The following PRKCG variants were observed in gnomAD, a reference collection of about 807,000 sequenced individuals.
PRKCG encodes the protein protein kinase C gamma type.
A neutral mutation model predicts 82.0 loss-of-function variants in PRKCG; 28 were observed. The observed-to-expected ratio is 0.34, with a 90% CI of 0.25 to 0.47. The LOEUF is 0.47. Among genes scored for constraint, PRKCG ranks in the 20% least tolerant of loss-of-function variants. PRKCG has a pLI of 1.00. For missense variants in PRKCG, 640 were observed against 952.7 expected (o/e 0.67, Z 4.32); for synonymous variants, 383 against 376.6 (o/e 1.02, Z -0.20).
intron 15 of PRKCG, 66 bp downstream of exon 15, chr19:53,903,219 A>G: frequency 1.5e-6 from 2 of 1,310,116 alleles, no homozygotes; most frequent in African/African-American, 1.5e-5. Context: ...GGATCTCAGG[A>G]GGAGCCAGTT....
intron 8 of PRKCG, 101 bp from the exon 9 acceptor site, chr19:53,893,261 T>G: frequency 1.4e-6 from 2 of 1,389,792 alleles, no homozygotes; most frequent in Non-Finnish European, 2.0e-6. Flanking sequence ...ATAGTTCCTA[T>G]CTATCGCCAT....
Position 53,891,005 on chromosome 19 carries a change from G to A in PRKCG, c.530-669G>A, listed in dbSNP as rs1433681763. 3.9e-5 allele frequency among the ~76,000 whole-genome samples: 6 copies of A among 152,016 alleles called. No homozygotes were observed. The South Asian group carries it at 8.3e-4, about 21-fold the overall frequency. On this transcript the variant is annotated intron_variant, in intron 5 of 17. Coordinates refer to ENST00000263431, the MANE Select transcript of PRKCG (RefSeq NM_002739.5). ...GACCTCAGGTGATCCGCCCGCCTCC[G>A]CCTCCCAAAGTGCTGGGATTACAGG...
At chr19:53,881,826 C>CCGG (rs1194188904), upstream of PRKCG, 21 of 154,334 alleles carry the variant, frequency 1.4e-4, no homozygotes, top group African/African-American at 5.1e-4. Flanking sequence ...AAAGACTCAG[C>CCGG]CGGCATCGGA....
At chr19:53,894,311 C>T (rs1391574263) in intron 9 of PRKCG, among the ~76,000 whole-genome samples, 5 of 145,064 alleles carry the variant, frequency 3.4e-5, no homozygotes, top group South Asian at 2.2e-4. Flanking sequence ...GTGATCCACC[C>T]GCCTCAGCCT....
chr19:53,892,892 G>T lies in PRKCG; in HGVS notation c.822-96G>T. 8.2e-7 allele frequency: 1 copy of T among 1,212,768 alleles called. No individual in the cohort carries two copies. The allele number at this position is 1,212,768 out of a possible 1,614,324, so 75.1% of individuals were successfully genotyped here. On this transcript the variant is annotated intron_variant, in intron 7 of 17. Coordinates refer to ENST00000263431, the MANE Select transcript of PRKCG (RefSeq NM_002739.5). This position sits in a 1 kb window ranked among gnomAD's most constrained non-coding sequence, Gnocchi z 5.9. ...CTTTCTCTCTTCCATCTCTGTGTCC[G>T]TCTCTCTGTGTCTCTTTCCTCCCTT...
Position 53,884,135 on chromosome 19 carries a change from T to A in PRKCG, c.203-26T>A. 1 of 1,612,050 alleles carries A rather than the reference T, an allele frequency of 6.2e-7. No homozygotes were observed. Among genetic ancestry groups the A allele is most frequent in the Non-Finnish European group, 8.5e-7 (1 of 1,178,206 alleles). The stretch of plus-strand genomic sequence containing the variant: ...CGCTGGACTAATCCATGCCTCCGTC[T>A]GTGTCTCTATGATTTTCATCTATAG... On this transcript the variant is annotated intron_variant, in intron 2 of 17. Coordinates refer to ENST00000263431, the MANE Select transcript of PRKCG (RefSeq NM_002739.5). This position sits in a 1 kb window ranked among gnomAD's most constrained non-coding sequence, Gnocchi z 4.6.
At chr19:53,896,061 GAA>G (rs34110242) in intron 9 of PRKCG, among the ~76,000 whole-genome samples, 2 of 126,564 alleles carry the variant, frequency 1.6e-5, no homozygotes, top group Admixed American at 8.2e-5. Flanking sequence ...CTCTATCTCA[GAA>G]AAAAAAAAAA....
intron 3 of PRKCG, among the ~76,000 whole-genome samples, chr19:53,885,638 C>T (rs914332006): frequency 4.6e-5 from 7 of 152,184 alleles, no homozygotes; most frequent in South Asian, 2.1e-4. Flanking sequence ...TTCAGAGTTT[C>T]GCCCAGGGTT....
rs2068658204 is a variant in PRKCG at position 53,889,802 on chromosome 19, C to T, written c.397+53C>T. 1.3e-6 allele frequency: 2 copies of T among 1,589,280 alleles called. No homozygotes were observed. Among genetic ancestry groups the T allele is most frequent in the Admixed American group, 3.5e-5 (2 of 56,994 alleles). ...CTTCCAAAGCGCCCGGTCTGGGTTC[C>T]GGGAAATGCCCGGGATGGGGTGGGG... is the stretch of plus-strand genomic sequence containing the variant. On this transcript the variant is annotated intron_variant, in intron 4 of 17. Coordinates refer to ENST00000263431, the MANE Select transcript of PRKCG (RefSeq NM_002739.5). This position sits in a 1 kb window ranked among gnomAD's most constrained non-coding sequence, Gnocchi z 4.4.
In PRKCG at chr19:53,902,132, G is replaced by A. The variant is rs547125163; in HGVS notation, c.1576-941G>A. 2.6e-3 allele frequency among the ~76,000 whole-genome samples: 398 copies of A among 152,176 alleles called. 2 individuals carry two copies. Among genetic ancestry groups the A allele is most frequent in the Admixed American group, 5.3e-3 (81 of 15,292 alleles). On this transcript the variant is annotated intron_variant, in intron 14 of 17. Coordinates refer to ENST00000263431, the MANE Select transcript of PRKCG (RefSeq NM_002739.5). ...CATCTGTAGAAAATTTGAAAACTGA[G>A]GCCAGACATGGTGGCTCATGCCTGT...
In PRKCG at chr19:53,882,328, C is replaced by G. The variant is rs2068598223; in HGVS notation, c.-167C>G. ...GGCGGAGCCGGCGCGCCCGGGGTGCCGCTCCCTGCCTGGCGCGCTCCGCAC... is the reference window on the plus strand; with the variant it reads ...GGCGGAGCCGGCGCGCCCGGGGTGCGGCTCCCTGCCTGGCGCGCTCCGCAC... On this transcript the variant is annotated 5_prime_UTR_variant, in exon 1 of 18. Coordinates refer to ENST00000263431, the MANE Select transcript of PRKCG (RefSeq NM_002739.5). The surrounding 1 kb of genome is among the most constrained non-coding windows in gnomAD (Gnocchi z 6.1). 2 of 1,032,272 alleles carry G rather than the reference C, an allele frequency of 1.9e-6. No homozygotes were observed. Among genetic ancestry groups the G allele is most frequent in the Non-Finnish European group, 2.8e-6 (2 of 709,378 alleles). The allele number at this position is 1,032,272 out of a possible 1,614,324, so 63.9% of individuals were successfully genotyped here.
At chr19:53,891,499 G>T (rs1184563998) in intron 5 of PRKCG, among the ~76,000 whole-genome samples, 175 bp from the exon 6 acceptor site, 3 of 150,706 alleles carry the variant, frequency 2.0e-5, no homozygotes, top group Non-Finnish European at 4.4e-5. Flanking sequence ...TCACAGGATG[G>T]TCTCGATCTC....
intron 16 of PRKCG, among the ~76,000 whole-genome samples, 176 bp downstream of exon 16, chr19:53,904,918 G>A (rs577376086): frequency 2.8e-4 from 42 of 152,260 alleles, no homozygotes; most frequent in Admixed American, 2.7e-3. Flanking sequence ...CTGTTGCCAC[G>A]AGGCCTGGAG....
intron 9 of PRKCG, among the ~76,000 whole-genome samples, chr19:53,895,533 A>ACAACAGC (rs2068711877): frequency 6.6e-6 from 1 of 151,562 alleles, no homozygotes; most frequent in Non-Finnish European, 1.5e-5. Context: ...TCAAGATTCA[A>ACAACAGC]CAACAGCAAC....
rs200450431 is a variant in PRKCG at position 53,892,485 on chromosome 19, C to A, written c.687-24C>A. On this transcript the variant is annotated intron_variant, in intron 6 of 17. Coordinates refer to ENST00000263431, the MANE Select transcript of PRKCG (RefSeq NM_002739.5). This position sits in a 1 kb window ranked among gnomAD's most constrained non-coding sequence, Gnocchi z 5.9. ...GGGAGCCATGAGCTCGGCTCTGCAC[C>A]CCATCCACCCCACCTTCCTGCAGCA... 7 of 1,605,538 alleles carry A rather than the reference C, an allele frequency of 4.4e-6. No homozygotes were observed. Among genetic ancestry groups the A allele is most frequent in the Admixed American group, 3.4e-5 (2 of 59,230 alleles).
At chr19:53,881,631 A>C (rs2068590459), upstream of PRKCG, among the ~76,000 whole-genome samples, 1 of 151,994 alleles carries the variant, frequency 6.6e-6, no homozygotes, top group Admixed American at 6.6e-5. Flanking sequence ...GAAATAGAGA[A>C]ATAGAAAGAA....
chr19:53,883,020 T>C lies in PRKCG; in HGVS notation c.171-143T>C. On this transcript the variant is annotated intron_variant, in intron 1 of 17. Transcript: ENST00000263431. The surrounding 1 kb of genome is among the most constrained non-coding windows in gnomAD (Gnocchi z 5.4). The stretch of plus-strand genomic sequence containing the variant: ...AGGGCTGGGGGCCAAAATTTCTGGG[T>C]TCTAGAAAGAGGAGGTGGCCGGGGC... 9.1e-7 allele frequency: 1 copy of C among 1,101,190 alleles called. No homozygotes were observed. The allele number at this position is 1,101,190 out of a possible 1,614,324, so 68.2% of individuals were successfully genotyped here. A position where few individuals can be genotyped will look rare whatever the true frequency, so the allele number is the denominator to read the frequency against.
chr19:53,891,760 A>T lies in PRKCG; in HGVS notation c.616A>T (p.Asn206Tyr). ...ACTGAAGCTCATCCCAGACCCTCGG[A>T]ACCTGACGAAACAGAAGACCCGAAC... The part of the protein sequence containing the change: ...VKLKLIPDPR[N>Y]LTKQKTRTVK... The change falls in exon 6 of 18, where the codon AAC becomes TAC. Residue 206 changes from asparagine to tyrosine, a missense_variant. By Grantham distance (143) the Asn-to-Tyr change is moderately radical. Transcript: ENST00000263431. 1 of 1,614,128 alleles carries T rather than the reference A, an allele frequency of 6.2e-7. No homozygotes were observed. Among genetic ancestry groups the T allele is most frequent in the Non-Finnish European group, 8.5e-7 (1 of 1,180,024 alleles).
intron 11 of PRKCG, among the ~76,000 whole-genome samples, chr19:53,898,885 C>G: frequency 2.8e-5 from 1 of 35,650 alleles, no homozygotes; most frequent in African/African-American, 1.4e-4. Context: ...AGGGGCTCCT[C>G]GGGGGCGTGG....
Sources: gnomAD v4.1 joint callset for allele counts (sites outside exome capture counted in the v4.1 genomes callset) on GRCh38, gnomAD v4.1.1 for gene constraint, Gnocchi (gnomAD v3.1) non-coding constraint, MANE v1.5 for transcripts, NCBI Gene and HGNC (gene_info 2026-07-23, HGNC 2026-07-21) for gene names.